PFKFB3: variants seen among roughly 807,000 people sequenced by gnomAD.
PFKFB3 encodes the protein 6-phosphofructo-2-kinase/fructose-2,6-biphosphatase 3.
Under a neutral mutation model 68.0 loss-of-function variants are expected in PFKFB3, and 33 were observed. That is an observed-to-expected ratio of 0.49 (90% confidence interval 0.37 to 0.65). The LOEUF is 0.65. Ranked by LOEUF, PFKFB3 falls within the 30% of genes least tolerant of loss-of-function variation. The pLI is 0.00. For missense variants in PFKFB3, 586 were observed against 712.2 expected, an observed-to-expected ratio of 0.82 and a Z score of 2.02; for synonymous variants, 315 against 288.2, an observed-to-expected ratio of 1.09 and a Z score of -0.94.
chr10:6,158,011 C>T (rs1046978041), intron 1 of PFKFB3, among the ~76,000 whole-genome samples: 13 of 150,792 alleles, frequency 8.6e-5, no homozygotes, highest in South Asian at 2.1e-4. Flanking sequence ...TGTGGCTGGG[C>T]GCGGTGGTTC....
intron 1 of PFKFB3, among the ~76,000 whole-genome samples, chr10:6,157,551 T>G (rs1408970219): frequency 6.6e-6 from 1 of 152,160 alleles, no homozygotes; most frequent in Non-Finnish European, 1.5e-5. Context: ...GGTGAAAACA[T>G]TCTAGAAGTT....
rs1453851808 is a variant in PFKFB3, at chr10:6,203,712, G to T, written c.76+376G>T. Among the ~76,000 whole-genome samples, 9 of 152,180 alleles carry T rather than the reference G, an allele frequency of 5.9e-5. No homozygotes were observed. In the East Asian group the frequency reaches 1.5e-3, roughly 26 times the overall value. On this transcript the variant is annotated intron_variant, in intron 1 of 14. Transcript: ENST00000379775. ...CAGGGACCCGGCCGCTCGCGCCTCCGCCCCTTTTCACCGTCCGGATCTCCT... is the reference window on the plus strand; with the variant it reads ...CAGGGACCCGGCCGCTCGCGCCTCCTCCCCTTTTCACCGTCCGGATCTCCT...
chr10:6,219,034 C>T (rs1385023333), intron 6 of PFKFB3, among the ~76,000 whole-genome samples: 1 of 152,232 alleles, frequency 6.6e-6, no homozygotes, highest in Admixed American at 6.5e-5. Flanking sequence ...GGAGAGCGAG[C>T]CCTGCAAAGG....
At chr10:6,263,424 A>C in the PFKFB3 span, among the ~76,000 whole-genome samples, 5 of 152,272 alleles carry the variant, frequency 3.3e-5, no homozygotes, top group Admixed American at 1.3e-4. Flanking sequence ...TGCTGCAGAG[A>C]TTTTGTTTAT....
At chr10:6,194,419 A>G (rs1002983975) in intron 1 of PFKFB3, among the ~76,000 whole-genome samples, 1 of 152,260 alleles carries the variant, frequency 6.6e-6, no homozygotes, top group Admixed American at 6.5e-5. Context: ...GCTAAAGTCT[A>G]GGAGCGGGCT....
chr10:6,208,371 C>CTTTCTTTTTTTTTTTTTTT (rs1843932356), intron 1 of PFKFB3, among the ~76,000 whole-genome samples: 1 of 60,624 alleles, frequency 1.6e-5, no homozygotes, highest in Non-Finnish European at 2.9e-5. Context: ...GGTACCTGGC[C>CTTTCTTTTTTTTTTTTTTT]TTTTTTTTTT....
At chr10:6,187,164 C>T (rs652399) in intron 1 of PFKFB3, among the ~76,000 whole-genome samples, 67,071 of 150,036 alleles carry the variant, frequency 0.45, 16,161 homozygotes, top group Non-Finnish European at 0.56. Context: ...AGTTCAAGAC[C>T]AGCCTGGCCA....
chr10:6,241,499 G>A (rs1056911559), intron 14 of PFKFB3, among the ~76,000 whole-genome samples: 4 of 152,154 alleles, frequency 2.6e-5, no homozygotes, highest in Admixed American at 2.0e-4. Flanking sequence ...CTCCACCTCC[G>A]GAAGGGAGCA....
At chr10:6,277,080 G>C in the PFKFB3 span, among the ~76,000 whole-genome samples, 2 of 152,162 alleles carry the variant, frequency 1.3e-5, no homozygotes, top group Middle Eastern at 3.4e-3. Flanking sequence ...TGCATAAATG[G>C]AATCATATTG....
the PFKFB3 span, among the ~76,000 whole-genome samples, chr10:6,312,233 C>G: frequency 6.6e-6 from 1 of 152,026 alleles, no homozygotes; most frequent in Non-Finnish European, 1.5e-5. Context: ...CTGAACTTTT[C>G]GGTAAAGAAC....
Position 6,210,048 on chromosome 10 carries a change from G to GGTGCGCCCCTCTCTTGTTCT in PFKFB3, c.77-3574_77-3573insTGCGCCCCTCTCTTGTTCTG, listed in dbSNP as rs1294381155. 3.8e-3 allele frequency among the ~76,000 whole-genome samples: 467 copies of GGTGCGCCCCTCTCTTGTTCT among 121,744 alleles called. 19 individuals are homozygous for GGTGCGCCCCTCTCTTGTTCT. The highest frequency in any genetic ancestry group is 5.4e-3 in the Non-Finnish European group (268 of 49,650). The allele number at this position is 121,744 out of a possible 152,430, so 79.9% of individuals were successfully genotyped here. The stretch of plus-strand genomic sequence containing the variant: ...ATTACAGGCGTGAGCCACCGTGCCC[G>GGTGCGCCCCTCTCTTGTTCT]GCCTAATACTTATCTTTTCTAATCA... On this transcript the variant is annotated intron_variant, in intron 1 of 14. Coordinates refer to ENST00000379775, the MANE Select transcript of PFKFB3 (RefSeq NM_004566.4).
chr10:6,272,947 T>C, the PFKFB3 span, among the ~76,000 whole-genome samples: 72 of 151,256 alleles, frequency 4.8e-4, 1 homozygote, highest in East Asian at 0.012. Context: ...ATACTTCCCA[T>C]TCTCCTAAAG....
chr10:6,209,866 G>A (rs1030774081), intron 1 of PFKFB3, among the ~76,000 whole-genome samples: 6 of 146,548 alleles, frequency 4.1e-5, no homozygotes, highest in African/African-American at 7.6e-5. Flanking sequence ...CCAGGTTCAC[G>A]CCATTCTCCT....
At chr10:6,245,861 C>T (rs1202860385) in intron 14 of PFKFB3, 1 of 152,252 alleles carries the variant, frequency 6.6e-6, no homozygotes, top group Non-Finnish European at 1.5e-5. Flanking sequence ...GTTAAAACTA[C>T]TTACCTGGAA....
At chr10:6,302,675 C>T in the PFKFB3 span, among the ~76,000 whole-genome samples, 9 of 151,790 alleles carry the variant, frequency 5.9e-5, no homozygotes, top group South Asian at 2.1e-4. Context: ...CCACCGTGCC[C>T]GGCCCATACT....
At chr10:6,209,666 T>C (rs1844026278) in intron 1 of PFKFB3, among the ~76,000 whole-genome samples, 1 of 151,738 alleles carries the variant, frequency 6.6e-6, no homozygotes, top group Non-Finnish European at 1.5e-5. Context: ...GGTTTTGCCA[T>C]GTTGACCAGG....
At chr10:6,189,817 A>C (rs1364537316) in intron 1 of PFKFB3, among the ~76,000 whole-genome samples, 2 of 151,882 alleles carry the variant, frequency 1.3e-5, no homozygotes, top group East Asian at 3.9e-4. Flanking sequence ...ACCTGGCTTG[A>C]GGGTAACTTT....
intron 14 of PFKFB3, chr10:6,231,649 C>T: frequency 1.1e-6 from 1 of 935,366 alleles, no homozygotes; most frequent in Non-Finnish European, 1.3e-6. Context: ...GTCAGCCCTG[C>T]TCTGTGATCC....
the PFKFB3 span, chr10:6,294,291 A>G: frequency 2.0e-6 from 1 of 494,628 alleles, no homozygotes; most frequent in Non-Finnish European, 4.1e-6. Context: ...CACACTGTTA[A>G]TAAAGACATA....
Sources: gnomAD v4.1 joint callset for allele counts (sites outside exome capture counted in the v4.1 genomes callset) on GRCh38, gnomAD v4.1.1 for gene constraint, MANE v1.5 for transcripts, NCBI Gene and HGNC (gene_info 2026-07-23, HGNC 2026-07-21) for gene names.